Variants in GLG1 observed in about 807,000 individuals in gnomAD.
The protein encoded by GLG1 is Golgi apparatus protein 1.
A neutral mutation model predicts 160.5 loss-of-function variants in GLG1; 38 were observed. That is an observed-to-expected ratio of 0.24 (90% confidence interval 0.18 to 0.31). GLG1 has a LOEUF of 0.31. Ranked by LOEUF, GLG1 falls within the 10% of genes least tolerant of loss-of-function variation. GLG1 has a pLI of 1.00. For missense variants in GLG1, 1,373 were observed against 1,505.2 expected (o/e 0.91, Z 1.45); for synonymous variants, 644 against 543.4 (o/e 1.19, Z -2.57).
rs1187021763 is a variant in GLG1 at position 74,515,640 on chromosome 16, C to A, written c.472-6715G>T. On this transcript the variant is annotated intron_variant, in intron 2 of 25. Coordinates refer to ENST00000422840, the MANE Select transcript of GLG1 (RefSeq NM_001145667.2). The stretch of plus-strand genomic sequence containing the variant: ...ATGGGTGCAGCACACCAACATGGCA[C>A]ATGTATACATATGTAACTAACCTAC... Among the ~76,000 whole-genome samples the A allele has an allele frequency of 2.0e-5, 3 of 151,722 alleles. No individual in the cohort carries two copies. The East Asian group carries it at 5.8e-4, about 29-fold the overall frequency.
At chr16:74,471,990 G>A (rs796190945) in intron 14 of GLG1, among the ~76,000 whole-genome samples, 7 of 152,008 alleles carry the variant, frequency 4.6e-5, no homozygotes, top group South Asian at 4.2e-4. Context: ...CTGCAGCCTC[G>A]ACCTCCTGAG....
chr16:74,512,614 C>T (rs368086577), intron 2 of GLG1, among the ~76,000 whole-genome samples: 4 of 150,544 alleles, frequency 2.7e-5, no homozygotes, highest in Admixed American at 1.3e-4. Context: ...CCATCCCAAA[C>T]GTGTAATGAG....
At chr16:74,508,750 T>C (rs2016701383) in intron 3 of GLG1, 89 bp downstream of exon 3, 1 of 661,306 alleles carries the variant, frequency 1.5e-6, no homozygotes, top group Non-Finnish European at 2.8e-6. Context: ...AGAAAAGTAA[T>C]GTAACTGAGT....
At chr16:74,457,329 G>A (rs529845647) in intron 24 of GLG1, among the ~76,000 whole-genome samples, 136 of 152,238 alleles carry the variant, frequency 8.9e-4, no homozygotes, top group South Asian at 2.9e-3. Flanking sequence ...CCCAGGAGGC[G>A]GAGGTTGCAG....
intron 4 of GLG1, among the ~76,000 whole-genome samples, chr16:74,503,154 C>A (rs185372271): frequency 6.6e-6 from 1 of 151,758 alleles, no homozygotes; most frequent in Non-Finnish European, 1.5e-5. Flanking sequence ...CTGCAATGAG[C>A]GGAAATCCCA....
At chr16:74,592,005 T>C (rs1958196632) in intron 1 of GLG1, among the ~76,000 whole-genome samples, 1 of 152,180 alleles carries the variant, frequency 6.6e-6, no homozygotes, top group Admixed American at 6.5e-5. Flanking sequence ...ATACCATGCA[T>C]ATATGTATGT....
chr16:74,470,786 A>G (rs1464800951), intron 15 of GLG1, among the ~76,000 whole-genome samples: 2 of 142,740 alleles, frequency 1.4e-5, no homozygotes. Context: ...TTGAGATGGA[A>G]TCTTGCTCTG....
At chr16:74,520,874 G>C (rs183362599) in intron 2 of GLG1, among the ~76,000 whole-genome samples, 1 of 152,154 alleles carries the variant, frequency 6.6e-6, no homozygotes, top group Admixed American at 6.6e-5. Flanking sequence ...TTTATTCTCA[G>C]GATTGTGAAA....
chr16:74,489,634 A>G (rs373865880), intron 8 of GLG1, among the ~76,000 whole-genome samples: 23 of 152,322 alleles, frequency 1.5e-4, no homozygotes, highest in Middle Eastern at 3.4e-3. Flanking sequence ...ACCAGTAACA[A>G]CTGCACCCTA....
intron 11 of GLG1, among the ~76,000 whole-genome samples, chr16:74,480,021 C>T (rs2015539687): frequency 6.6e-6 from 1 of 152,076 alleles, no homozygotes; most frequent in African/African-American, 2.4e-5. Flanking sequence ...AATCTTCCCC[C>T]ACCCACTTTG....
chr16:74,589,707 T>C (rs1389509514), intron 1 of GLG1, among the ~76,000 whole-genome samples: 1 of 152,192 alleles, frequency 6.6e-6, no homozygotes, highest in Non-Finnish European at 1.5e-5. Context: ...GTCTTCTGAC[T>C]TCTGCTTTCA....
chr16:74,535,458 G>C (rs942907599), intron 1 of GLG1, among the ~76,000 whole-genome samples: 2 of 152,180 alleles, frequency 1.3e-5, no homozygotes, highest in African/African-American at 4.8e-5. Flanking sequence ...TTTTGAGATA[G>C]AGTCTTGTTC....
intron 1 of GLG1, among the ~76,000 whole-genome samples, chr16:74,595,494 G>A (rs1289099136): frequency 3.3e-5 from 5 of 152,252 alleles, no homozygotes; most frequent in South Asian, 2.1e-4. Context: ...CCAAGATCGC[G>A]CCACTGCACT....
intron 1 of GLG1, among the ~76,000 whole-genome samples, chr16:74,535,947 A>T (rs2432585): frequency 2.6e-4 from 40 of 152,286 alleles, no homozygotes; most frequent in African/African-American, 8.7e-4. Flanking sequence ...GAAGAGAGAG[A>T]ACGAAATATA....
intron 2 of GLG1, among the ~76,000 whole-genome samples, 184 bp downstream of exon 2, chr16:74,531,937 C>T (rs575335709): frequency 1.3e-5 from 2 of 152,180 alleles, no homozygotes; most frequent in South Asian, 2.1e-4. Flanking sequence ...TTTGGGAGAA[C>T]CTGCAGGCTT....
At position 74,452,902 on chromosome 16, in the gene GLG1, G is replaced by T; in HGVS notation, c.*265C>A. 8.6e-7 allele frequency: 1 copy of T among 1,160,722 alleles called. No homozygotes were observed. Among genetic ancestry groups the T allele is most frequent in the South Asian group, 3.9e-5 (1 of 25,346 alleles). The allele number at this position is 1,160,722 out of a possible 1,614,324, so 71.9% of individuals were successfully genotyped here. ...CCGGAAGTTCTGTTGGTATGAGAGAGACTTGTCTACAGGCAGGTAAACCCA... is the reference window on the plus strand; with the variant it reads ...CCGGAAGTTCTGTTGGTATGAGAGATACTTGTCTACAGGCAGGTAAACCCA... On this transcript the variant is annotated 3_prime_UTR_variant, in exon 26 of 26. Transcript: ENST00000422840.
intron 4 of GLG1, among the ~76,000 whole-genome samples, chr16:74,501,463 C>G (rs1301136583): frequency 1.3e-5 from 2 of 152,258 alleles, no homozygotes; most frequent in African/African-American, 2.4e-5. Flanking sequence ...ATAAACAATC[C>G]TGTCGTGCCT....
At chr16:74,498,047 T>G (rs2016262233) in intron 4 of GLG1, among the ~76,000 whole-genome samples, 2 of 152,144 alleles carry the variant, frequency 1.3e-5, no homozygotes. Flanking sequence ...CCCTAAATAT[T>G]TTCTATTCAA....
intron 1 of GLG1, among the ~76,000 whole-genome samples, chr16:74,569,115 G>A (rs1483608866): frequency 6.6e-6 from 1 of 152,162 alleles, no homozygotes; most frequent in African/African-American, 2.4e-5. Flanking sequence ...CTTAAAGCTG[G>A]CATCTCAAAA....
Sources: allele counts gnomAD v4.1 joint callset (sites outside exome capture counted in the v4.1 genomes callset), GRCh38; gene constraint gnomAD v4.1.1; transcripts MANE v1.5; gene names NCBI Gene and HGNC (gene_info 2026-07-23, HGNC 2026-07-21).